Variants in TMEM132D observed in about 807,000 individuals in gnomAD.
TMEM132D encodes the protein mature OL transmembrane protein.
TMEM132D carries 21 observed loss-of-function variants against 62.3 expected under a neutral mutation model. That is an observed-to-expected ratio of 0.34 (90% confidence interval 0.24 to 0.49). The LOEUF (loss-of-function observed/expected upper bound fraction) is 0.49, where lower values mean the gene tolerates loss of function less well. Ranked by LOEUF, TMEM132D falls within the 20% of genes least tolerant of loss-of-function variation. The pLI, the probability that TMEM132D is intolerant of heterozygous loss-of-function variation, is 0.99. For synonymous variants in TMEM132D, 621 were observed against 575.6 expected (o/e 1.08, Z -1.13); for missense variants, 1,346 against 1,402.8 (o/e 0.96, Z 0.65).
chr12:129,837,903 C>T (rs568088731), intron 1 of TMEM132D, among the ~76,000 whole-genome samples: 3 of 152,280 alleles, frequency 2.0e-5, no homozygotes, highest in African/African-American at 4.8e-5. Context: ...AACCCTGGAA[C>T]GGCTAAGTTA....
chr12:129,287,931 T>C (rs1028921934), intron 4 of TMEM132D, among the ~76,000 whole-genome samples: 4 of 152,204 alleles, frequency 2.6e-5, no homozygotes, highest in African/African-American at 9.6e-5. Context: ...CAGAGACATA[T>C]GGTTTTAAGC....
At chr12:129,644,418 T>C (rs1879718143) in intron 2 of TMEM132D, among the ~76,000 whole-genome samples, 1 of 152,142 alleles carries the variant, frequency 6.6e-6, no homozygotes, top group South Asian at 2.1e-4. Flanking sequence ...GCCATAATTG[T>C]TTGTCCTTGC....
intron 1 of TMEM132D, among the ~76,000 whole-genome samples, chr12:129,787,536 T>C (rs1188437045): frequency 6.6e-6 from 1 of 152,214 alleles, no homozygotes; most frequent in Non-Finnish European, 1.5e-5. Context: ...CCGAATTAAA[T>C]GGAAAGTAGA....
intron 5 of TMEM132D, among the ~76,000 whole-genome samples, chr12:129,161,826 T>G (rs917261978): frequency 9.9e-5 from 15 of 152,174 alleles, no homozygotes; most frequent in African/African-American, 3.4e-4. Context: ...GCTGTAGTCT[T>G]CTAAAGCAGG....
chr12:129,765,780 A>G (rs1870531532), intron 1 of TMEM132D, among the ~76,000 whole-genome samples: 1 of 152,096 alleles, frequency 6.6e-6, no homozygotes, highest in South Asian at 2.1e-4. Context: ...TATCCTCATG[A>G]GTTAAATAAA....
At chr12:129,264,569 A>G (rs944075106) in intron 4 of TMEM132D, among the ~76,000 whole-genome samples, 2 of 152,182 alleles carry the variant, frequency 1.3e-5, no homozygotes, top group African/African-American at 4.8e-5. Context: ...ACTACTGAGT[A>G]TCTACCCCGA....
At chr12:129,832,318 A>G (rs1176926805) in intron 1 of TMEM132D, among the ~76,000 whole-genome samples, 1 of 151,646 alleles carries the variant, frequency 6.6e-6, no homozygotes, top group Non-Finnish European at 1.5e-5. Flanking sequence ...AAGATGTAAC[A>G]GAGGCCACAT....
chr12:129,549,070 C>A (rs934049306), intron 2 of TMEM132D, among the ~76,000 whole-genome samples: 1 of 152,116 alleles, frequency 6.6e-6, no homozygotes, highest in Non-Finnish European at 1.5e-5. Context: ...TGTGTCCCCA[C>A]CCAAATCTCA....
At chr12:129,774,174 A>C (rs954875014) in intron 1 of TMEM132D, among the ~76,000 whole-genome samples, 13 of 152,210 alleles carry the variant, frequency 8.5e-5, no homozygotes, top group African/African-American at 3.1e-4. Flanking sequence ...GGTGTGTCCC[A>C]GGCCCCCCCA....
chr12:129,690,980 A>C (rs1370018877), intron 2 of TMEM132D, among the ~76,000 whole-genome samples: 5 of 152,160 alleles, frequency 3.3e-5, no homozygotes, highest in Non-Finnish European at 5.9e-5. Flanking sequence ...AATTATGCAA[A>C]GTATTTTCTC....
At chr12:129,606,033 C>T (rs1353025194) in intron 2 of TMEM132D, among the ~76,000 whole-genome samples, 1 of 152,128 alleles carries the variant, frequency 6.6e-6, no homozygotes, top group African/African-American at 2.4e-5. Flanking sequence ...CTTGAACCCT[C>T]AGCTACTGTG....
intron 1 of TMEM132D, among the ~76,000 whole-genome samples, chr12:129,766,556 G>T (rs1870559765): frequency 6.6e-6 from 1 of 152,142 alleles, no homozygotes; most frequent in Non-Finnish European, 1.5e-5. Flanking sequence ...TATTTGAGCT[G>T]CCCTTTCTTA....
intron 5 of TMEM132D, among the ~76,000 whole-genome samples, chr12:129,151,089 C>T (rs570992973): frequency 8.5e-5 from 13 of 152,258 alleles, no homozygotes; most frequent in East Asian, 3.9e-4. Flanking sequence ...TCTAATTTTC[C>T]GACTTCACGA....
At chr12:129,727,832 T>TG (rs913579590) in intron 1 of TMEM132D, among the ~76,000 whole-genome samples, 1 of 147,002 alleles carries the variant, frequency 6.8e-6, no homozygotes, top group Non-Finnish European at 1.5e-5. Flanking sequence ...TTTTGAATGA[T>TG]GAAAAAAAAA....
chr12:129,343,916 G>A (rs1266498176), intron 3 of TMEM132D, among the ~76,000 whole-genome samples: 1 of 152,170 alleles, frequency 6.6e-6, no homozygotes. Flanking sequence ...CAACCTGGGT[G>A]ACAGAGCGAG....
intron 1 of TMEM132D, among the ~76,000 whole-genome samples, chr12:129,746,579 T>TCC (rs1426676875): frequency 6.6e-6 from 1 of 152,160 alleles, no homozygotes; most frequent in East Asian, 1.9e-4. Flanking sequence ...GTTCTATTTT[T>TCC]CTCTCTCTCA....
intron 5 of TMEM132D, among the ~76,000 whole-genome samples, chr12:129,137,121 CCATCATCATCACCATCACTATCATTGT>C (rs1403668468): frequency 1.3e-5 from 2 of 149,112 alleles, no homozygotes; most frequent in Admixed American, 1.4e-4. Flanking sequence ...ACCATCATCA[CCATCATCATCACCATCACTATCATTGT>C]CATCACTATC....
chr12:129,780,725 T>C (rs957372428), intron 1 of TMEM132D, among the ~76,000 whole-genome samples: 5 of 152,170 alleles, frequency 3.3e-5, no homozygotes, highest in African/African-American at 7.2e-5. Flanking sequence ...ACCTGCTGCA[T>C]AGATAAATAC....
At chr12:129,542,673 ATAC>A (rs1876614894) in intron 2 of TMEM132D, among the ~76,000 whole-genome samples, 1 of 152,168 alleles carries the variant, frequency 6.6e-6, no homozygotes, top group Non-Finnish European at 1.5e-5. Context: ...ACACACAGTT[ATAC>A]TACATATATG....
Sources: allele counts gnomAD v4.1 joint callset (sites outside exome capture counted in the v4.1 genomes callset), GRCh38; gene constraint gnomAD v4.1.1; transcripts MANE v1.5; gene names NCBI Gene and HGNC (gene_info 2026-07-23, HGNC 2026-07-21).